The following SI variants were observed in gnomAD, a reference collection of about 807,000 sequenced individuals.
The protein encoded by SI is sucrase-isomaltase, intestinal.
Under a neutral mutation model 253.3 loss-of-function variants are expected in SI, and 235 were observed. The observed-to-expected ratio is 0.93, with a 90% CI of 0.83 to 1.03. The LOEUF is 1.03. SI is among the 50% of genes least tolerant of loss of function. The pLI is 0.00. For synonymous variants in SI, 819 were observed against 712.0 expected, an observed-to-expected ratio of 1.15 and a Z score of -2.39; for missense variants, 2,442 against 2,211.1, an observed-to-expected ratio of 1.10 and a Z score of -2.09.
rs1324410079 is a variant in SI at position 165,062,451 on chromosome 3, A to G, written c.940T>C (p.Tyr314His). Residue 314 changes from tyrosine to histidine, a missense_variant, in exon 9 of 48, where the codon TAT becomes CAT. By Grantham distance (83) the Tyr-to-His change is moderately conservative. Coordinates refer to ENST00000264382, the MANE Select transcript of SI (RefSeq NM_001041.4). ...IFIQPTPIVTYRVTGGILDFY... is the reference protein window; with the variant it reads ...IFIQPTPIVTHRVTGGILDFY... ...TCCAGAATGCCACCGGTAACTCTAT[A>G]TGTTACTATTGGAGTAGGCTGGATA... is the stretch of plus-strand genomic sequence containing the variant. The G allele has an allele frequency of 3.1e-6, 5 of 1,600,722 alleles. No homozygotes were observed. The highest frequency in any genetic ancestry group is 2.2e-5 in the South Asian group (2 of 90,790).
chr3:165,009,257 A>C lies in SI; in HGVS notation c.4179+22T>G, dbSNP rs758418950. ...CTGCACAATAAATAACTTAAAACAT[A>C]GATTGTTCAAAGCTTACTTACAATC... On this transcript the variant is annotated intron_variant, in intron 35 of 47. Coordinates refer to ENST00000264382, the MANE Select transcript of SI (RefSeq NM_001041.4). 9.0e-5 allele frequency: 129 copies of C among 1,440,604 alleles called. 1 individual carries two copies. Among genetic ancestry groups the C allele is most frequent in the Non-Finnish European group, 1.2e-4 (122 of 1,022,198 alleles). 89.2% of individuals were successfully genotyped at this position (1,440,604 alleles called of 1,614,324 possible). A position where few individuals can be genotyped will look rare whatever the true frequency, so the allele number is the denominator to read the frequency against.
intron 37 of SI, 76 bp from the exon 38 acceptor site, chr3:164,998,749 G>T: frequency 8.0e-7 from 1 of 1,246,738 alleles, no homozygotes. Context: ...CGACTACTTT[G>T]TAAAAAAAAA....
intron 20 of SI, among the ~76,000 whole-genome samples, chr3:165,038,226 T>TA (rs1490228289): frequency 7.2e-5 from 11 of 151,872 alleles, no homozygotes; most frequent in East Asian, 3.9e-4. Flanking sequence ...TTCTCAAAAA[T>TA]AAAAAAATCA....
rs761050731 is a variant in SI, at chr3:165,007,980, T to G, written c.4198A>C (p.Ser1400Arg). The G allele has an allele frequency of 6.3e-7, 1 of 1,577,728 alleles. No homozygotes were observed. Among genetic ancestry groups the G allele is most frequent in the Non-Finnish European group, 8.7e-7 (1 of 1,148,032 alleles). ...GLWIDMNEPS[S>R]FVNGTTTNQC... ...TTAGTAGTTGTTCCATTTACAAAAC[T>G]TGATGGCTCATTCATATCCTTAAAA... Residue 1400 changes from serine to arginine, a missense_variant, in exon 36 of 48, where the codon AGT becomes CGT. Transcript: ENST00000264382.
chr3:165,046,972 G>T lies in SI; in HGVS notation c.1756C>A (p.Leu586Ile), dbSNP rs1475934927. The T allele has an allele frequency of 6.2e-7, 1 of 1,611,222 alleles. No homozygotes were observed. The highest frequency in any genetic ancestry group is 8.5e-7 in the Non-Finnish European group (1 of 1,178,718). Residue 586 changes from leucine (L) to isoleucine (I), a missense_variant, in exon 16 of 48, where the codon CTT (leucine) becomes ATT (isoleucine). Coordinates refer to ENST00000264382, the MANE Select transcript of SI (RefSeq NM_001041.4). ...GATCCAGCAAATGTTGAGCGGGTAA[G>T]AATGAAGCTTCTCTTATTAGGAAAA... ...KVFPNKRSFI[L>I]TRSTFAGSGR... is the part of the protein sequence containing the mutation.
intron 19 of SI, 68 bp from the exon 20 acceptor site, chr3:165,039,202 G>T: frequency 8.8e-7 from 1 of 1,130,116 alleles, no homozygotes; most frequent in Non-Finnish European, 1.3e-6. Context: ...CAAATATTAA[G>T]TTGGGTTTTC....
intron 34 of SI, among the ~76,000 whole-genome samples, chr3:165,010,018 A>G (rs1175576643): frequency 2.6e-5 from 4 of 152,186 alleles, no homozygotes; most frequent in Non-Finnish European, 4.4e-5. Context: ...AAAAAATGAC[A>G]TGACAACCTG....
chr3:164,992,787 A>C (rs921275800), intron 41 of SI, among the ~76,000 whole-genome samples: 1 of 151,936 alleles, frequency 6.6e-6, no homozygotes, highest in Non-Finnish European at 1.5e-5. Context: ...TAAGAATTTT[A>C]ATTCATTAAT....
At chr3:164,998,435 A>G (rs1718114599) in intron 38 of SI, 105 bp downstream of exon 38, 1 of 1,221,538 alleles carries the variant, frequency 8.2e-7, no homozygotes, top group South Asian at 1.2e-5. Context: ...TACGATGTGA[A>G]GAACAAAATT....
At position 165,046,940 on chromosome 3, in the gene SI, T is replaced by A. The variant is rs762319587; in HGVS notation, c.1788A>T (p.Arg596Ser). ...TGTCTCCTAACCAATGCGCAGCATG[T>A]CTTCCAGATCCAGCAAATGTTGAGC... Reference protein sequence around the residue: ...LTRSTFAGSGRHAAHWLGDNT... With the variant: ...LTRSTFAGSGSHAAHWLGDNT... Residue 596 changes from arginine (R) to serine (S), a missense_variant, in exon 16 of 48, where the codon AGA becomes AGT. Physicochemically the swap from Arg to Ser is moderately radical, Grantham distance 110. Coordinates refer to ENST00000264382, the MANE Select transcript of SI (RefSeq NM_001041.4). The A allele has an allele frequency of 8.7e-6, 14 of 1,612,622 alleles. No individual in the cohort carries two copies. Among genetic ancestry groups the A allele is most frequent in the Non-Finnish European group, 1.0e-5 (12 of 1,179,286 alleles).
At chr3:165,009,469 T>C (rs1193825720) in intron 34 of SI, 74 bp from the exon 35 acceptor site, 2 of 828,422 alleles carry the variant, frequency 2.4e-6, no homozygotes, top group East Asian at 4.9e-5. Flanking sequence ...CTGAATGTAT[T>C]TGACAGATCC....
Position 165,006,912 on chromosome 3 carries a change from C to A in SI, c.4310G>T (p.Cys1437Phe). ...ACTAAGAATCTGCTCAGCTTCCATG[C>A]AAATTGTTCTGAAATGTAATCCATC... is the stretch of plus-strand genomic sequence containing the variant. ...RTDGLHFRTICMEAEQILSDG... is the reference protein window; with the variant it reads ...RTDGLHFRTIFMEAEQILSDG... The change falls in exon 37 of 48, where the codon TGC becomes TTC. Residue 1437 changes from cysteine to phenylalanine, a missense_variant. Transcript: ENST00000264382. 6.2e-7 allele frequency: 1 copy of A among 1,611,944 alleles called. No individual in the cohort carries two copies. Among genetic ancestry groups the A allele is most frequent in the Non-Finnish European group, 8.5e-7 (1 of 1,178,414 alleles).
Position 165,075,949 on chromosome 3 carries a change from T to C in SI, c.64A>G (p.Ile22Val), listed in dbSNP as rs778477354. Residue 22 changes from isoleucine (I) to valine (V), a missense_variant, in exon 2 of 48, where the codon ATA becomes GTA. Transcript: ENST00000264382. ...SLIVLFVIVT[I>V]IAIALIVVLA... ...ACAACAATTAAGGCAATAGCTATTA[T>C]AGTAACTATGACAAAAAGGACAATC... The C allele has an allele frequency of 5.0e-6, 8 of 1,600,436 alleles. No homozygotes were observed. Among genetic ancestry groups the C allele is most frequent in the African/African-American group, 1.3e-5 (1 of 74,752 alleles).
chr3:165,043,037 A>G (rs751884734), intron 17 of SI, 22 bp downstream of exon 17: 39 of 1,365,806 alleles, frequency 2.9e-5, no homozygotes, highest in Non-Finnish European at 4.0e-5. Flanking sequence ...ATTTCGCAAC[A>G]TGGAGAACAA....
intron 45 of SI, among the ~76,000 whole-genome samples, chr3:164,983,753 C>CT: frequency 6.6e-6 from 1 of 151,846 alleles, no homozygotes; most frequent in Non-Finnish European, 1.5e-5. Flanking sequence ...CCATGCCTGG[C>CT]TTTTTTATTT....
At chr3:165,008,056 CA>C in intron 35 of SI, 58 bp from the exon 36 acceptor site, 1 of 898,018 alleles carries the variant, frequency 1.1e-6, no homozygotes, top group Non-Finnish European at 1.8e-6. Context: ...CATATATTCT[CA>C]AAAGAGCTAG....
In SI at chr3:165,006,853, T is replaced by A; in HGVS notation, c.4369A>T (p.Asn1457Tyr). 6.2e-7 allele frequency: 1 copy of A among 1,612,706 alleles called. No homozygotes were observed. Among genetic ancestry groups the A allele is most frequent in the Non-Finnish European group, 8.5e-7 (1 of 1,178,924 alleles). ...GTSVLHYDVH[N>Y]LYGWSQMKPT... The stretch of plus-strand genomic sequence containing the variant: ...TTCATCTGTGACCATCCATAGAGAT[T>A]GTGAACATCGTAATGCAAAACTGAT... Residue 1457 changes from asparagine (N) to tyrosine (Y), a missense_variant, in exon 37 of 48, where the codon AAT (asparagine) becomes TAT (tyrosine). Coordinates refer to ENST00000264382, the MANE Select transcript of SI (RefSeq NM_001041.4).
At chr3:165,087,138 C>T in the SI span, among the ~76,000 whole-genome samples, 1 of 118,660 alleles carries the variant, frequency 8.4e-6, no homozygotes, top group East Asian at 3.3e-4. Context: ...AACAAATACA[C>T]AAAACAAAAC....
In SI at chr3:165,059,896, A is replaced by G; in HGVS notation, c.1146+6T>C. 1 of 1,610,568 alleles carries G rather than the reference A, an allele frequency of 6.2e-7. No individual in the cohort carries two copies. The highest frequency in any genetic ancestry group is 8.5e-7 in the Non-Finnish European group (1 of 1,177,344). On this transcript the variant is annotated splice_donor_region_variant and intron_variant, in intron 10 of 47. Transcript: ENST00000264382. ...TATATTCCCACGGACCCTTTATTCT[A>G]CTTACAAATGGTATGCCAGCTTCCC...
Sources: gnomAD v4.1 joint callset for allele counts (sites outside exome capture counted in the v4.1 genomes callset) on GRCh38, gnomAD v4.1.1 for gene constraint, MANE v1.5 for transcripts, NCBI Gene and HGNC (gene_info 2026-07-23, HGNC 2026-07-21) for gene names.